Variants in LRRTM4 observed in about 807,000 individuals in gnomAD.
LRRTM4 encodes the protein leucine rich repeat transmembrane neuronal 4.
A neutral mutation model predicts 47.6 loss-of-function variants in LRRTM4; 25 were observed. The observed-to-expected ratio is 0.53, with a 90% CI of 0.38 to 0.73. The LOEUF is 0.73. LRRTM4 is among the 30% of genes least tolerant of loss of function. The pLI is 0.00. For synonymous variants in LRRTM4, 311 were observed against 269.5 expected, an observed-to-expected ratio of 1.15 and a Z score of -1.51; for missense variants, 638 against 713.4, an observed-to-expected ratio of 0.89 and a Z score of 1.20.
intron 3 of LRRTM4, among the ~76,000 whole-genome samples, chr2:77,477,516 C>A (rs1009619691): frequency 1.3e-5 from 2 of 151,934 alleles, no homozygotes; most frequent in Non-Finnish European, 2.9e-5. Flanking sequence ...TTGCTATATA[C>A]TATTTGAAAG....
chr2:77,361,021 C>T (rs540135046), intron 3 of LRRTM4, among the ~76,000 whole-genome samples: 10 of 152,200 alleles, frequency 6.6e-5, no homozygotes, highest in Admixed American at 2.6e-4. Context: ...GGACAGCTGA[C>T]TGAATACATT....
chr2:76,942,403 T>C (rs2103864449), intron 3 of LRRTM4, among the ~76,000 whole-genome samples: 1 of 152,248 alleles, frequency 6.6e-6, no homozygotes, highest in African/African-American at 2.4e-5. Flanking sequence ...TGACGGGGTG[T>C]TAAGATTTAA....
At chr2:77,177,491 A>G (rs1030919876) in intron 3 of LRRTM4, among the ~76,000 whole-genome samples, 3 of 152,166 alleles carry the variant, frequency 2.0e-5, no homozygotes, top group South Asian at 2.1e-4. Flanking sequence ...GGTGTCTTCT[A>G]TATTCAGAAA....
At chr2:77,108,967 T>A (rs1671175783) in intron 3 of LRRTM4, among the ~76,000 whole-genome samples, 2 of 152,178 alleles carry the variant, frequency 1.3e-5, no homozygotes, top group South Asian at 2.1e-4. Flanking sequence ...TCTGTTAACA[T>A]AGCAGACCAG....
At chr2:77,070,566 T>C (rs1287821890) in intron 3 of LRRTM4, among the ~76,000 whole-genome samples, 1 of 152,060 alleles carries the variant, frequency 6.6e-6, no homozygotes, top group African/African-American at 2.4e-5. Context: ...CCTTCAAACA[T>C]TTCTACTAAG....
intron 3 of LRRTM4, among the ~76,000 whole-genome samples, chr2:77,391,024 T>C (rs919009390): frequency 2.0e-5 from 3 of 151,988 alleles, no homozygotes; most frequent in Non-Finnish European, 2.9e-5. Context: ...AAAAGGAGCT[T>C]ATTTTTGGGG....
rs535177243 is a variant in LRRTM4 at position 77,093,807 on chromosome 2, AAAG to A, written c.1552-344894_1552-344892del. On this transcript the variant is annotated intron_variant, in intron 3 of 3. Coordinates refer to ENST00000409884, the MANE Select transcript of LRRTM4 (RefSeq NM_001134745.3). ...CCTTAACTGATGACATTCCACCACA[AAAG>A]AAGTGTAAATGGCCGGTCCTTGCCT... Among the ~76,000 whole-genome samples the A allele has an allele frequency of 2.0e-3, 297 of 151,812 alleles. 2 individuals carry two copies. Among genetic ancestry groups the A allele is most frequent in the African/African-American group, 6.5e-3 (269 of 41,224 alleles).
chr2:76,841,233 C>T (rs1044392636), intron 3 of LRRTM4, among the ~76,000 whole-genome samples: 3 of 149,464 alleles, frequency 2.0e-5, no homozygotes, highest in Non-Finnish European at 4.4e-5. Context: ...AATGAGAACA[C>T]ATGGACACAG....
intron 3 of LRRTM4, among the ~76,000 whole-genome samples, chr2:77,258,026 G>A (rs1183321920): frequency 6.6e-6 from 1 of 151,714 alleles, no homozygotes; most frequent in Admixed American, 6.6e-5. Context: ...AACCTTGGAG[G>A]CAGAAGTTGT....
intron 3 of LRRTM4, among the ~76,000 whole-genome samples, chr2:76,780,981 G>T (rs376799386): frequency 1.3e-5 from 2 of 152,366 alleles, no homozygotes; most frequent in African/African-American, 4.8e-5. Context: ...TTCTAACAGA[G>T]AGGACCCTCA....
intron 3 of LRRTM4, among the ~76,000 whole-genome samples, chr2:76,813,570 T>C (rs1670808999): frequency 6.6e-6 from 1 of 152,058 alleles, no homozygotes. Context: ...AGGTGCAAAC[T>C]AAATTCATGC....
chr2:76,798,779 A>C (rs1490774428), intron 3 of LRRTM4, among the ~76,000 whole-genome samples: 2 of 151,474 alleles, frequency 1.3e-5, no homozygotes, highest in Non-Finnish European at 3.0e-5. Flanking sequence ...ATCACCACCG[A>C]TCCCACAGAA....
intron 3 of LRRTM4, among the ~76,000 whole-genome samples, chr2:77,016,347 CTG>C (rs1180279686): frequency 3.4e-5 from 5 of 148,842 alleles, no homozygotes; most frequent in Admixed American, 2.0e-4. Flanking sequence ...GATCGCGCCA[CTG>C]TGTCCAGCCT....
chr2:76,756,243 T>C (rs1673026726), intron 3 of LRRTM4, among the ~76,000 whole-genome samples: 1 of 152,174 alleles, frequency 6.6e-6, no homozygotes, highest in Non-Finnish European at 1.5e-5. Context: ...GTTCCTTCAA[T>C]CATTTGCAAA....
chr2:77,356,990 A>G (rs1460272530), intron 3 of LRRTM4, among the ~76,000 whole-genome samples: 1 of 152,098 alleles, frequency 6.6e-6, no homozygotes, highest in Non-Finnish European at 1.5e-5. Flanking sequence ...CCTCTTCTCA[A>G]TTTGAAGTAG....
At chr2:77,350,995 C>G (rs887923193) in intron 3 of LRRTM4, among the ~76,000 whole-genome samples, 1 of 152,050 alleles carries the variant, frequency 6.6e-6, no homozygotes. Flanking sequence ...ATGGGGGTTT[C>G]TTTAAATATT....
At chr2:76,971,100 G>C (rs1168890864) in intron 3 of LRRTM4, among the ~76,000 whole-genome samples, 1 of 152,014 alleles carries the variant, frequency 6.6e-6, no homozygotes, top group African/African-American at 2.4e-5. Flanking sequence ...AATACTGGCT[G>C]TGCTAGGGCT....
chr2:77,425,099 T>C (rs1029209903), intron 3 of LRRTM4, among the ~76,000 whole-genome samples: 12 of 152,264 alleles, frequency 7.9e-5, no homozygotes, highest in African/African-American at 2.9e-4. Context: ...AGTGAGGAAT[T>C]TGGTATTTAA....
At chr2:77,077,612 G>A (rs1284111201) in intron 3 of LRRTM4, among the ~76,000 whole-genome samples, 1 of 152,150 alleles carries the variant, frequency 6.6e-6, no homozygotes, top group Admixed American at 6.5e-5. Context: ...AGTGATCTGG[G>A]AACCTACTGA....
Sources: gnomAD v4.1 joint callset for allele counts (sites outside exome capture counted in the v4.1 genomes callset) on GRCh38, gnomAD v4.1.1 for gene constraint, MANE v1.5 for transcripts, NCBI Gene and HGNC (gene_info 2026-07-23, HGNC 2026-07-21) for gene names.